The following CAMK1D variants were observed in gnomAD, a reference collection of about 807,000 sequenced individuals.
CAMK1D encodes the protein calcium/calmodulin-dependent protein kinase type 1D.
Under a neutral mutation model 47.7 loss-of-function variants are expected in CAMK1D, and 9 were observed. That is an observed-to-expected ratio of 0.19 (90% CI 0.11 to 0.33). The LOEUF (loss-of-function observed/expected upper bound fraction) is 0.33. CAMK1D is among the 10% of genes least tolerant of loss of function. The pLI is 1.00. For synonymous variants in CAMK1D, 184 were observed against 184.9 expected (o/e 0.99, Z 0.04); for missense variants, 291 against 488.7 (o/e 0.60, Z 3.81).
At chr10:12,367,083 G>A (rs1477105606) in intron 1 of CAMK1D, among the ~76,000 whole-genome samples, 5 of 152,132 alleles carry the variant, frequency 3.3e-5, no homozygotes, top group South Asian at 4.2e-4. Context: ...GAGACCTGAC[G>A]CCACAGACTT....
intron 2 of CAMK1D, among the ~76,000 whole-genome samples, chr10:12,602,580 A>G (rs1038577977): frequency 6.6e-6 from 1 of 152,100 alleles, no homozygotes; most frequent in South Asian, 2.1e-4. Flanking sequence ...GGGCAGCTTC[A>G]CCCCTCCTGG....
chr10:12,741,722 C>T (rs1020199566), intron 3 of CAMK1D, among the ~76,000 whole-genome samples: 6 of 152,070 alleles, frequency 3.9e-5, no homozygotes, highest in Admixed American at 1.3e-4. Flanking sequence ...CCCCAGGATA[C>T]GCATCTGCCG....
chr10:12,442,352 G>T (rs904014457), intron 1 of CAMK1D, among the ~76,000 whole-genome samples: 1 of 152,088 alleles, frequency 6.6e-6, no homozygotes, highest in Admixed American at 6.5e-5. Context: ...GTGGTGGCAG[G>T]TGCCTGTAGT....
intron 3 of CAMK1D, among the ~76,000 whole-genome samples, chr10:12,732,669 C>CA (rs1834945002): frequency 4.9e-5 from 6 of 122,038 alleles, no homozygotes; most frequent in African/African-American, 7.9e-5. Context: ...CAATTACCCC[C>CA]GCCCCCCCCG....
chr10:12,722,259 C>A (rs1278773888), intron 3 of CAMK1D, among the ~76,000 whole-genome samples: 4 of 151,640 alleles, frequency 2.6e-5, no homozygotes, highest in Admixed American at 1.3e-4. Flanking sequence ...CCGGGGATAA[C>A]ACAGTGAAAC....
intron 1 of CAMK1D, among the ~76,000 whole-genome samples, chr10:12,435,445 G>A (rs753268828): frequency 2.0e-4 from 31 of 152,088 alleles, no homozygotes; most frequent in Non-Finnish European, 4.0e-4. Context: ...AGGGCCTCCT[G>A]TAGATGCTCA....
chr10:12,649,043 A>C (rs1353604407), intron 2 of CAMK1D, among the ~76,000 whole-genome samples: 2 of 151,658 alleles, frequency 1.3e-5, no homozygotes, highest in Non-Finnish European at 2.9e-5. Flanking sequence ...ATTTTTAAAA[A>C]TGTTTTTACA....
intron 3 of CAMK1D, among the ~76,000 whole-genome samples, chr10:12,680,765 G>A (rs894756135): frequency 6.6e-6 from 1 of 151,782 alleles, no homozygotes; most frequent in South Asian, 2.1e-4. Context: ...ACATCCGGAT[G>A]ATTAATTTTA....
chr10:12,471,341 A>T (rs1833740936), intron 1 of CAMK1D, among the ~76,000 whole-genome samples: 1 of 152,150 alleles, frequency 6.6e-6, no homozygotes, highest in South Asian at 2.1e-4. Flanking sequence ...TGGGCATGAG[A>T]CCCAAATGCT....
At chr10:12,616,587 G>A (rs1026299665) in intron 2 of CAMK1D, among the ~76,000 whole-genome samples, 6 of 151,292 alleles carry the variant, frequency 4.0e-5, no homozygotes, top group East Asian at 2.0e-4. Flanking sequence ...GTGTGATCTC[G>A]GCTCACTGCA....
chr10:12,487,268 G>C (rs1834246285), intron 1 of CAMK1D, among the ~76,000 whole-genome samples: 1 of 152,018 alleles, frequency 6.6e-6, no homozygotes, highest in Non-Finnish European at 1.5e-5. Flanking sequence ...ATTAAAATAG[G>C]CTTCTCCTCA....
intron 1 of CAMK1D, among the ~76,000 whole-genome samples, chr10:12,525,241 A>G (rs1462422126): frequency 1.3e-5 from 2 of 152,156 alleles, no homozygotes; most frequent in Non-Finnish European, 2.9e-5. Flanking sequence ...GGATTTGATG[A>G]ACTTCTGTAA....
intron 1 of CAMK1D, among the ~76,000 whole-genome samples, chr10:12,462,763 C>G (rs1300547374): frequency 1.3e-5 from 2 of 152,084 alleles, no homozygotes; most frequent in African/African-American, 4.8e-5. Context: ...ACGGTCATAG[C>G]CCACTGCAGC....
At chr10:12,770,191 A>G (rs145015843) in intron 5 of CAMK1D, among the ~76,000 whole-genome samples, 41 of 152,336 alleles carry the variant, frequency 2.7e-4, no homozygotes, top group African/African-American at 9.6e-4. Context: ...TTTTTATTCC[A>G]ATTACTGAGA....
chr10:12,464,000 C>G (rs192139868), intron 1 of CAMK1D, among the ~76,000 whole-genome samples: 6 of 152,078 alleles, frequency 3.9e-5, no homozygotes, highest in African/African-American at 1.2e-4. Flanking sequence ...GTAAGTTTCC[C>G]GAGGCCTCCC....
chr10:12,360,701 A>G (rs1029716904), intron 1 of CAMK1D, among the ~76,000 whole-genome samples: 8 of 152,258 alleles, frequency 5.3e-5, no homozygotes, highest in East Asian at 1.9e-4. Context: ...ATGGGTCGCA[A>G]ACTGGGGAGT....
chr10:12,722,452 A>G (rs1436365502), intron 3 of CAMK1D, among the ~76,000 whole-genome samples: 1 of 139,052 alleles, frequency 7.2e-6, no homozygotes, highest in East Asian at 2.0e-4. Context: ...GCCTCAAAAA[A>G]AAAAAAAAAA....
chr10:12,692,633 A>G (rs935339617), intron 3 of CAMK1D, among the ~76,000 whole-genome samples: 1 of 152,232 alleles, frequency 6.6e-6, no homozygotes, highest in African/African-American at 2.4e-5. Context: ...CATAGCCAAA[A>G]CAATTTAAAA....
intron 1 of CAMK1D, among the ~76,000 whole-genome samples, chr10:12,371,314 C>T (rs913919426): frequency 6.6e-6 from 1 of 152,102 alleles, no homozygotes; most frequent in Non-Finnish European, 1.5e-5. Context: ...CGGTGGCTCA[C>T]ACCTGTAATC....
Sources: gnomAD v4.1 joint callset for allele counts (sites outside exome capture counted in the v4.1 genomes callset) on GRCh38, gnomAD v4.1.1 for gene constraint, MANE v1.5 for transcripts, NCBI Gene and HGNC (gene_info 2026-07-23, HGNC 2026-07-21) for gene names.